ZNF609: variants seen among roughly 807,000 people sequenced by gnomAD.
ZNF609 encodes the protein zinc finger protein 609.
In ZNF609, 11 loss-of-function variants were observed where a neutral mutation model predicts 109.5. The observed-to-expected ratio is 0.10, with a 90% CI of 0.06 to 0.17. ZNF609 has a LOEUF of 0.17. Ranked by LOEUF, ZNF609 falls within the 10% of genes least tolerant of loss-of-function variation. ZNF609 has a pLI of 1.00. For synonymous variants in ZNF609, 646 were observed against 662.0 expected (o/e 0.98, Z 0.37); for missense variants, 1,559 against 1,772.4 (o/e 0.88, Z 2.16).
intron 2 of ZNF609, among the ~76,000 whole-genome samples, chr15:64,517,621 G>C (rs1893832281): frequency 6.6e-6 from 1 of 151,950 alleles, no homozygotes. Context: ...TGTAGTCCCA[G>C]CTACTTGGAA....
intron 2 of ZNF609, among the ~76,000 whole-genome samples, chr15:64,557,215 G>C (rs867628545): frequency 7.1e-6 from 1 of 141,482 alleles, no homozygotes; most frequent in African/African-American, 2.7e-5. Flanking sequence ...GACAACTTCT[G>C]ATACCAAAAA....
intron 1 of ZNF609, among the ~76,000 whole-genome samples, chr15:64,482,711 A>G (rs1011023688): frequency 6.6e-6 from 1 of 152,224 alleles, no homozygotes; most frequent in African/African-American, 2.4e-5. Flanking sequence ...TACATAAGGA[A>G]AAATCACATA....
chr15:64,672,624 CAAA>C (rs147395815), intron 4 of ZNF609, among the ~76,000 whole-genome samples: 2 of 121,584 alleles, frequency 1.6e-5, no homozygotes, highest in Admixed American at 8.5e-5. Context: ...CACTCCATCT[CAAA>C]AAAAAAAAAA....
At chr15:64,590,154 A>T (rs944527125) in intron 2 of ZNF609, among the ~76,000 whole-genome samples, 10 of 152,188 alleles carry the variant, frequency 6.6e-5, no homozygotes, top group Admixed American at 6.6e-4. Flanking sequence ...CCCAACCTGT[A>T]TACTAGGAAA....
chr15:64,468,259 C>T lies in ZNF609; in HGVS notation c.-128+7421C>T, dbSNP rs542849301. Among the ~76,000 whole-genome samples the T allele has an allele frequency of 3.7e-4, 52 of 141,664 alleles. 1 individual carries two copies. The highest frequency in any genetic ancestry group is 1.5e-3 in the African/African-American group (49 of 33,452). The allele number at this position is 141,664 out of a possible 152,430, so 92.9% of individuals were successfully genotyped here. A position where few individuals can be genotyped will look rare whatever the true frequency, so the allele number is the denominator to read the frequency against. ...TTCCTTCCTCCTTTCCTTTCCTTTC[C>T]TTTCTTTTCTTTTCTTTTCCTTCCT... On this transcript the variant is annotated intron_variant, in intron 1 of 9. Coordinates refer to ENST00000326648, the MANE Select transcript of ZNF609 (RefSeq NM_015042.2).
At chr15:64,681,231 G>A in intron 8 of ZNF609, 78 bp from the exon 9 acceptor site, 3 of 1,347,182 alleles carry the variant, frequency 2.2e-6, no homozygotes, top group South Asian at 1.2e-5. Context: ...TTTTCTGTCA[G>A]CACCCCAAAA....
chr15:64,619,796 G>GTA (rs755008643), intron 2 of ZNF609, among the ~76,000 whole-genome samples: 7 of 152,098 alleles, frequency 4.6e-5, no homozygotes, highest in Admixed American at 2.0e-4. Context: ...TTCACTTATT[G>GTA]TATAGCAGGG....
intron 3 of ZNF609, among the ~76,000 whole-genome samples, chr15:64,643,069 A>G (rs1896286742): frequency 6.6e-6 from 1 of 152,178 alleles, no homozygotes; most frequent in Non-Finnish European, 1.5e-5. Context: ...TCACATGTCA[A>G]AGTTAATTAT....
In ZNF609 at chr15:64,674,238, C is replaced by T. The variant is rs1452479561; in HGVS notation, c.1384C>T (p.Arg462Cys). The T allele has an allele frequency of 3.1e-6, 5 of 1,614,076 alleles. No homozygotes were observed. The highest frequency in any genetic ancestry group is 3.4e-6 in the Non-Finnish European group (4 of 1,180,040). Residue 462 changes from arginine to cysteine, a missense_variant, in exon 5 of 10, where the codon CGT (arginine) becomes TGT (cysteine). Coordinates refer to ENST00000326648, the MANE Select transcript of ZNF609 (RefSeq NM_015042.2). Reference protein sequence around the residue: ...SSSEDSKGSKRVRTNSMGSAT... With the variant: ...SSSEDSKGSKCVRTNSMGSAT... ...CTCAGAGGACTCCAAAGGGAGCAAG[C>T]GTGTCCGTACTAATTCCATGGGCTC... is the stretch of plus-strand genomic sequence containing the variant.
At chr15:64,673,255 C>T (rs965983658) in intron 4 of ZNF609, among the ~76,000 whole-genome samples, 2 of 152,034 alleles carry the variant, frequency 1.3e-5, no homozygotes, top group African/African-American at 2.4e-5. Flanking sequence ...TCCAGCTGCC[C>T]CCTGGAACAA....
intron 3 of ZNF609, among the ~76,000 whole-genome samples, chr15:64,641,433 T>G (rs903411430): frequency 1.3e-5 from 2 of 151,764 alleles, no homozygotes; most frequent in African/African-American, 4.8e-5. Flanking sequence ...AGGCTGGTCT[T>G]GAACTCCTGA....
Position 64,670,392 on chromosome 15 carries a change from T to C in ZNF609, c.1020T>C (p.Gly340=). The C allele has an allele frequency of 6.2e-7, 1 of 1,614,154 alleles. No homozygotes were observed. Among genetic ancestry groups the C allele is most frequent in the Non-Finnish European group, 8.5e-7 (1 of 1,180,000 alleles). ...NVTWRNKTYV[G]TLLDCTRHDW... ...CGTGGAGGAACAAGACATATGTAGG[T>C]ACACTCCTTGACTGCACACGACATG... Residue 340 remains glycine, a synonymous_variant, in exon 4 of 10, where the codon GGT becomes GGC. Coordinates refer to ENST00000326648, the MANE Select transcript of ZNF609 (RefSeq NM_015042.2).
chr15:64,675,455 C>T lies in ZNF609; in HGVS notation c.2601C>T (p.Ala867=), dbSNP rs16948170. ...TAGACAGTGTCAAATCAAAGGACGCCGAACAGTTGGTTAAAGAAGGGGCTA... is the reference window on the plus strand; with the variant it reads ...TAGACAGTGTCAAATCAAAGGACGCTGAACAGTTGGTTAAAGAAGGGGCTA... ...GKVDSVKSKD[A]EQLVKEGAKK... Residue 867 remains alanine (A), a synonymous_variant, in exon 5 of 10, where the codon GCC becomes GCT. Transcript: ENST00000326648. 0.076 allele frequency: 122,950 copies of T among 1,613,942 alleles called. 6,778 individuals carry two copies. Among genetic ancestry groups the T allele is most frequent in the African/African-American group, 0.28 (21,301 of 74,930 alleles).
chr15:64,557,821 C>G (rs569354774), intron 2 of ZNF609, among the ~76,000 whole-genome samples: 3 of 152,068 alleles, frequency 2.0e-5, no homozygotes, highest in Non-Finnish European at 4.4e-5. Flanking sequence ...CTCAGCCTCC[C>G]GAGTAGCTGG....
At chr15:64,490,059 A>G (rs753295095) in intron 1 of ZNF609, among the ~76,000 whole-genome samples, 2 of 152,154 alleles carry the variant, frequency 1.3e-5, no homozygotes, top group African/African-American at 2.4e-5. Flanking sequence ...CTTGGGCTCA[A>G]CAGATAATCC....
At chr15:64,566,468 G>A (rs1894779076) in intron 2 of ZNF609, among the ~76,000 whole-genome samples, 1 of 152,252 alleles carries the variant, frequency 6.6e-6, no homozygotes. Flanking sequence ...GAGACACTCT[G>A]TGTAGGTAGG....
chr15:64,677,670 T>C (rs1039560692), intron 5 of ZNF609, among the ~76,000 whole-genome samples: 3 of 152,226 alleles, frequency 2.0e-5, no homozygotes, highest in African/African-American at 7.2e-5. Context: ...ACTTAGAATG[T>C]CTTCCCTTCC....
chr15:64,546,663 G>GTA (rs1894366647), intron 2 of ZNF609, among the ~76,000 whole-genome samples: 1 of 151,706 alleles, frequency 6.6e-6, no homozygotes, highest in South Asian at 2.1e-4. Flanking sequence ...TTGTAGTGAT[G>GTA]GGGTCTTCCT....
At chr15:64,485,027 C>G (rs1477877910) in intron 1 of ZNF609, among the ~76,000 whole-genome samples, 1 of 152,116 alleles carries the variant, frequency 6.6e-6, no homozygotes, top group Non-Finnish European at 1.5e-5. Context: ...GCAAAATTAA[C>G]TTAGTGTACT....
Sources: allele counts gnomAD v4.1 joint callset (sites outside exome capture counted in the v4.1 genomes callset), GRCh38; gene constraint gnomAD v4.1.1; transcripts MANE v1.5; gene names NCBI Gene and HGNC (gene_info 2026-07-23, HGNC 2026-07-21).